SNX9: variants seen among roughly 807,000 people sequenced by gnomAD.
The protein encoded by SNX9 is sorting nexin 9.
In SNX9, 44 loss-of-function variants were observed where a neutral mutation model predicts 89.4. The ratio of observed to expected loss-of-function variants is 0.49; its 90% CI spans 0.39 to 0.63. SNX9 has a LOEUF of 0.63. Among genes scored for constraint, SNX9 ranks in the 30% least tolerant of loss-of-function variants. The pLI is 0.00. For synonymous variants in SNX9, 236 were observed against 247.8 expected, an observed-to-expected ratio of 0.95 and a Z score of 0.45; for missense variants, 578 against 736.1, an observed-to-expected ratio of 0.79 and a Z score of 2.49.
intron 16 of SNX9, among the ~76,000 whole-genome samples, chr6:157,940,178 G>A (rs1052035506): frequency 3.3e-5 from 5 of 152,194 alleles, no homozygotes; most frequent in African/African-American, 1.2e-4. Flanking sequence ...AGCAATTGCT[G>A]TGCAGGAGGG....
At chr6:157,840,079 GAAA>G (rs1781665776) in intron 1 of SNX9, among the ~76,000 whole-genome samples, 2 of 149,120 alleles carry the variant, frequency 1.3e-5, no homozygotes, top group African/African-American at 5.1e-5. Flanking sequence ...TGGATCTCGG[GAAA>G]GAGCAGACCC....
chr6:157,899,438 C>A (rs987846454), intron 5 of SNX9, among the ~76,000 whole-genome samples: 5 of 152,150 alleles, frequency 3.3e-5, no homozygotes, highest in Non-Finnish European at 5.9e-5. Context: ...TACCACTTAA[C>A]ATTCTTACAG....
At chr6:157,873,053 T>C in intron 2 of SNX9, 49 bp from the exon 3 acceptor site, 2 of 1,469,592 alleles carry the variant, frequency 1.4e-6, no homozygotes, top group Non-Finnish European at 1.8e-6. Context: ...CTCCAGGAAA[T>C]CTCAACTGTA....
chr6:157,901,201 A>G (rs1171145510), intron 5 of SNX9, among the ~76,000 whole-genome samples: 1 of 152,196 alleles, frequency 6.6e-6, no homozygotes, highest in Non-Finnish European at 1.5e-5. Flanking sequence ...ACAATCCTGC[A>G]TGCAATTTTG....
rs553856637 is a variant in SNX9, at chr6:157,836,205, CT to C, written c.12+12760del. Among the ~76,000 whole-genome samples the C allele has an allele frequency of 3.8e-3, 580 of 152,330 alleles. 5 individuals carry two copies. Among genetic ancestry groups the C allele is most frequent in the Middle Eastern group, 0.017 (5 of 294 alleles). Reference sequence around the variant, plus strand: ...GCTCAAACATTCCTCCTGCCTCAGCCTCCCAAAGTGCTGGGATTATAGCCAT... The same window carrying C: ...GCTCAAACATTCCTCCTGCCTCAGCCCCCAAAGTGCTGGGATTATAGCCAT... On this transcript the variant is annotated intron_variant, in intron 1 of 17. Coordinates refer to ENST00000392185, the MANE Select transcript of SNX9 (RefSeq NM_016224.5).
At chr6:157,829,781 G>A (rs1223682941) in intron 1 of SNX9, among the ~76,000 whole-genome samples, 1 of 152,060 alleles carries the variant, frequency 6.6e-6, no homozygotes, top group Non-Finnish European at 1.5e-5. Context: ...ATATTTCCCA[G>A]ATATATAAAA....
intron 7 of SNX9, among the ~76,000 whole-genome samples, 153 bp from the exon 8 acceptor site, chr6:157,909,512 A>G (rs1783293085): frequency 6.6e-6 from 1 of 152,196 alleles, no homozygotes; most frequent in Admixed American, 6.5e-5. Context: ...AGGAACAGAA[A>G]CCATTGAACC....
chr6:157,883,410 T>C (rs1343061817), intron 4 of SNX9, among the ~76,000 whole-genome samples: 1 of 152,176 alleles, frequency 6.6e-6, no homozygotes, highest in Non-Finnish European at 1.5e-5. Context: ...GAGTCTCCTC[T>C]ATTGCCTTCT....
At chr6:157,824,158 CT>C (rs1473584522) in intron 1 of SNX9, among the ~76,000 whole-genome samples, 13 of 152,190 alleles carry the variant, frequency 8.5e-5, no homozygotes, top group Admixed American at 7.9e-4. Context: ...ACTTTGACTC[CT>C]GCTTCGTCAT....
rs1781350941 is a variant in SNX9, at chr6:157,826,681, C to G, written c.12+3235C>G. Among the ~76,000 whole-genome samples, 2 of 129,866 alleles carry G rather than the reference C, an allele frequency of 1.5e-5. 1 individual carries two copies. The highest frequency in any genetic ancestry group is 8.4e-5 in the African/African-American group (2 of 23,772). 85.2% of individuals were successfully genotyped at this position (129,866 alleles called of 152,430 possible). ...TACAAAAGCTGCAGAGCATTTTAGT[C>G]TTGACCTTTATTGGAAGCCTCCAAA... On this transcript the variant is annotated intron_variant, in intron 1 of 17. Transcript: ENST00000392185.
At chr6:157,825,759 C>T (rs767850101) in intron 1 of SNX9, among the ~76,000 whole-genome samples, 4 of 152,146 alleles carry the variant, frequency 2.6e-5, no homozygotes, top group Non-Finnish European at 5.9e-5. Context: ...TGTGTCAAAC[C>T]AAAGTCTCAT....
chr6:157,914,314 C>A (rs1012453213), intron 9 of SNX9, among the ~76,000 whole-genome samples: 2 of 151,968 alleles, frequency 1.3e-5, no homozygotes, highest in Non-Finnish European at 2.9e-5. Flanking sequence ...TTCTGTTCAG[C>A]TCTTGTGCTC....
chr6:157,921,625 A>T lies in SNX9; in HGVS notation c.1044A>T (p.Glu348Asp). ...GCCATCCAGTAATCTCAGAAAGTGA[A>T]GTTTTCCAGCAGTTCCTAAATTTCC... The part of the protein sequence containing the change: ...MCRHPVISES[E>D]VFQQFLNFRD... Residue 348 changes from glutamate to aspartate, a missense_variant, in exon 10 of 18, where the codon GAA becomes GAT. Transcript: ENST00000392185. 1 of 1,614,074 alleles carries T rather than the reference A, an allele frequency of 6.2e-7. No homozygotes were observed. The highest frequency in any genetic ancestry group is 8.5e-7 in the Non-Finnish European group (1 of 1,179,950).
intron 2 of SNX9, among the ~76,000 whole-genome samples, chr6:157,872,361 C>T (rs1583210503): frequency 6.6e-6 from 1 of 152,226 alleles, no homozygotes; most frequent in African/African-American, 2.4e-5. Flanking sequence ...AACTGAGGAA[C>T]CATGGATCAG....
intron 13 of SNX9, among the ~76,000 whole-genome samples, chr6:157,933,531 A>G (rs1783859776): frequency 6.6e-6 from 1 of 152,228 alleles, no homozygotes; most frequent in East Asian, 1.9e-4. Flanking sequence ...TGGCCTTACC[A>G]TGTCTTACAG....
intron 11 of SNX9, among the ~76,000 whole-genome samples, chr6:157,928,324 A>G (rs576057505): frequency 3.7e-4 from 57 of 152,334 alleles, no homozygotes; most frequent in Middle Eastern, 6.8e-3. Context: ...CCTAAATAAG[A>G]TATTCAAGAA....
At position 157,942,343 on chromosome 6, in the gene SNX9, G is replaced by A. The variant is rs544234513; in HGVS notation, c.1741-448G>A. Among the ~76,000 whole-genome samples, 866 of 152,320 alleles carry A rather than the reference G, an allele frequency of 5.7e-3. 1 individual carries two copies. Among genetic ancestry groups the A allele is most frequent in the Middle Eastern group, 0.01 (3 of 294 alleles). ...GGCGCAGAGACCACTGCAGCGCCTC[G>A]TTAGCTTCACAGGCAGGCTCGTGCT... On this transcript the variant is annotated intron_variant, in intron 17 of 17. Transcript: ENST00000392185.
intron 5 of SNX9, 24 bp from the exon 6 acceptor site, chr6:157,901,871 CTGA>C (rs1783104651): frequency 1.3e-6 from 2 of 1,494,060 alleles, no homozygotes; most frequent in African/African-American, 3.0e-5. Flanking sequence ...TTTTTTTTAA[CTGA>C]TGATCTTCCA....
intron 1 of SNX9, among the ~76,000 whole-genome samples, chr6:157,849,152 T>C (rs1376122801): frequency 6.6e-6 from 1 of 152,158 alleles, no homozygotes; most frequent in Non-Finnish European, 1.5e-5. Flanking sequence ...GAATTTATCA[T>C]TGAAGGTAAG....
Sources: gnomAD v4.1 joint callset for allele counts (sites outside exome capture counted in the v4.1 genomes callset) on GRCh38, gnomAD v4.1.1 for gene constraint, MANE v1.5 for transcripts, NCBI Gene and HGNC (gene_info 2026-07-23, HGNC 2026-07-21) for gene names.